The following MYOM2 variants were observed in gnomAD, a reference collection of about 807,000 sequenced individuals.
MYOM2 encodes myomesin 2, also known as myomesin-2.
Under a neutral mutation model 187.6 loss-of-function variants are expected in MYOM2, and 254 were observed. The observed-to-expected ratio is 1.35, with a 90% CI of 1.22 to 1.50. The LOEUF is 1.50. Among genes scored for constraint, MYOM2 ranks in the 40% most tolerant of loss-of-function variants. The pLI, the probability that MYOM2 is intolerant of heterozygous loss-of-function variation, is 0.00. For missense variants in MYOM2, 2,796 were observed against 1,924.0 expected, an observed-to-expected ratio of 1.45 and a Z score of -8.48; for synonymous variants, 981 against 753.8, an observed-to-expected ratio of 1.30 and a Z score of -4.94.
rs3779826 is a variant in MYOM2, at chr8:2,121,592, G to T, written c.3454-1660G>T. On this transcript the variant is annotated intron_variant, in intron 28 of 36. Transcript: ENST00000262113. ...GATTCGGTGCACCATTTTGTCTACA[G>T]GGTTTTTCATTTAATAATGTGGTGC... Among the ~76,000 whole-genome samples, 16 of 152,252 alleles carry T rather than the reference G, an allele frequency of 1.1e-4. 1 individual carries two copies. In the East Asian group the frequency reaches 2.7e-3, roughly 26 times the overall value.
chr8:2,048,974 G>C (rs1218122711), intron 1 of MYOM2, among the ~76,000 whole-genome samples: 1 of 151,728 alleles, frequency 6.6e-6, no homozygotes, highest in Non-Finnish European at 1.5e-5. Context: ...ATTTTTTTTA[G>C]TAGAGACGGG....
intron 1 of MYOM2, among the ~76,000 whole-genome samples, chr8:2,049,610 GC>G (rs1255661293): frequency 6.6e-6 from 1 of 152,152 alleles, no homozygotes; most frequent in East Asian, 1.9e-4. Flanking sequence ...ATGGGGCCTG[GC>G]CTAGGAGTTC....
At chr8:2,100,109 TTTCTTTCCTTCCTTCC>T (rs1796645034) in intron 19 of MYOM2, among the ~76,000 whole-genome samples, 9 of 64,570 alleles carry the variant, frequency 1.4e-4, no homozygotes, top group African/African-American at 5.3e-4. Flanking sequence ...TCCTTCCTTC[TTTCTTTCCTTCCTTCC>T]TTCTTTCCTT....
intron 25 of MYOM2, among the ~76,000 whole-genome samples, chr8:2,112,585 A>C (rs1797103892): frequency 6.6e-6 from 1 of 152,174 alleles, no homozygotes; most frequent in African/African-American, 2.4e-5. Context: ...CAGAAGATAC[A>C]GACTTTGAAT....
intron 2 of MYOM2, among the ~76,000 whole-genome samples, chr8:2,051,525 C>T (rs531312502): frequency 2.8e-4 from 42 of 152,348 alleles, no homozygotes; most frequent in African/African-American, 1.0e-3. Flanking sequence ...GTGCCTGCCT[C>T]ATGTCACCCA....
At chr8:2,135,482 A>G (rs1798036164) in intron 32 of MYOM2, among the ~76,000 whole-genome samples, 1 of 152,102 alleles carries the variant, frequency 6.6e-6, no homozygotes, top group Admixed American at 6.5e-5. Flanking sequence ...ACAGAACTGG[A>G]GCCCAGACCT....
rs566149705 is a variant in MYOM2 at position 2,095,366 on chromosome 8, C to T, written c.2126-881C>T. On this transcript the variant is annotated intron_variant, in intron 17 of 36. Transcript: ENST00000262113. ...GGGTGCAGTCGTGTGATCACAGCTCCCTGCAGCCTTGAGCTTTTGGGCTCA... is the reference window on the plus strand; with the variant it reads ...GGGTGCAGTCGTGTGATCACAGCTCTCTGCAGCCTTGAGCTTTTGGGCTCA... Among the ~76,000 whole-genome samples the T allele has an allele frequency of 6.6e-5, 10 of 151,702 alleles. No homozygotes were observed. In the Middle Eastern group the frequency reaches 0.01, roughly 157 times the overall value.
intron 31 of MYOM2, among the ~76,000 whole-genome samples, chr8:2,126,329 A>T (rs1298856415): frequency 6.6e-6 from 1 of 151,856 alleles, no homozygotes; most frequent in Non-Finnish European, 1.5e-5. Flanking sequence ...ATCAGAATGG[A>T]AGAAGTGGAA....
intron 1 of MYOM2, among the ~76,000 whole-genome samples, chr8:2,050,300 C>T (rs542500749): frequency 2.9e-4 from 44 of 152,316 alleles, no homozygotes; most frequent in African/African-American, 7.5e-4. Context: ...GTGGGCCACT[C>T]GGCCGTCCTG....
chr8:2,096,327 T>G lies in MYOM2; in HGVS notation c.2206T>G (p.Phe736Val). The G allele has an allele frequency of 6.2e-7, 1 of 1,614,160 alleles. No individual in the cohort carries two copies. The highest frequency in any genetic ancestry group is 8.5e-7 in the Non-Finnish European group (1 of 1,180,030). ...SMTLGWKVPK[F>V]SGGSPILGYY... ...GACCCTCGGCTGGAAGGTCCCGAAA[T>G]TCAGTGGTGGCTCGCCCATCCTGGG... Residue 736 changes from phenylalanine to valine, a missense_variant, in exon 18 of 37, where the codon TTC becomes GTC. Transcript: ENST00000262113.
At chr8:2,100,552 G>GCC in intron 19 of MYOM2, 1 of 302,404 alleles carries the variant, frequency 3.3e-6, no homozygotes, top group Non-Finnish European at 6.3e-6. Context: ...CCCCGTGGAG[G>GCC]GTAACTTGAG....
chr8:2,143,478 G>A (rs535782174), intron 36 of MYOM2, 22 bp downstream of exon 36: 19 of 1,613,938 alleles, frequency 1.2e-5, no homozygotes, highest in East Asian at 1.1e-4. Context: ...AAACTCGGCC[G>A]GGGTGGGGGT....
At chr8:2,112,443 G>T (rs1027327820) in intron 25 of MYOM2, among the ~76,000 whole-genome samples, 3 of 152,020 alleles carry the variant, frequency 2.0e-5, no homozygotes, top group African/African-American at 7.3e-5. Flanking sequence ...GACATTCCAA[G>T]CCGCTCTAGT....
chr8:2,072,179 C>A (rs997767119), intron 8 of MYOM2, among the ~76,000 whole-genome samples, 166 bp from the exon 9 acceptor site: 1 of 152,102 alleles, frequency 6.6e-6, no homozygotes, highest in Admixed American at 6.5e-5. Flanking sequence ...TGCAGTGAGC[C>A]GAGGTCGCAC....
At chr8:2,088,429 C>G (rs1428030427) in intron 14 of MYOM2, among the ~76,000 whole-genome samples, 2 of 152,214 alleles carry the variant, frequency 1.3e-5, no homozygotes, top group African/African-American at 4.8e-5. Flanking sequence ...TCAGCCCTTG[C>G]TCTGTCTGGT....
chr8:2,101,652 C>T (rs1001086041), intron 20 of MYOM2, among the ~76,000 whole-genome samples: 16 of 152,144 alleles, frequency 1.1e-4, no homozygotes, highest in African/African-American at 3.6e-4. Flanking sequence ...TGTTTTCTTC[C>T]ACATTGCAGT....
At chr8:2,051,708 T>C (rs1335368397) in intron 2 of MYOM2, among the ~76,000 whole-genome samples, 1 of 152,198 alleles carries the variant, frequency 6.6e-6, no homozygotes, top group Non-Finnish European at 1.5e-5. Flanking sequence ...TGGCTGGCTC[T>C]GAAGGGAGGT....
At chr8:2,090,534 C>G (rs1436049834) in intron 15 of MYOM2, among the ~76,000 whole-genome samples, 1 of 152,118 alleles carries the variant, frequency 6.6e-6, no homozygotes, top group Non-Finnish European at 1.5e-5. Context: ...AAACTTGTGT[C>G]ATGGGGGTTT....
In MYOM2 at chr8:2,109,550, G is replaced by C; in HGVS notation, c.3180+19G>C. 2 of 1,594,930 alleles carry C rather than the reference G, an allele frequency of 1.3e-6. No individual in the cohort carries two copies. The highest frequency in any genetic ancestry group is 1.7e-6 in the Non-Finnish European group (2 of 1,171,864). The stretch of plus-strand genomic sequence containing the variant: ...CAGCGAGGTGAGTTCCTGTGTGAGT[G>C]ATCTCTGGCTTTGCAGGGAGTCCAC... On this transcript the variant is annotated intron_variant, in intron 25 of 36. Transcript: ENST00000262113.
Sources: gnomAD v4.1 joint callset for allele counts (sites outside exome capture counted in the v4.1 genomes callset) on GRCh38, gnomAD v4.1.1 for gene constraint, MANE v1.5 for transcripts, NCBI Gene and HGNC (gene_info 2026-07-23, HGNC 2026-07-21) for gene names.